The following STRN3 variants were observed in gnomAD, a reference collection of about 807,000 sequenced individuals.
STRN3 encodes striatin 3.
In STRN3, 29 loss-of-function variants were observed where a neutral mutation model predicts 95.6. The ratio of observed to expected loss-of-function variants is 0.30; its 90% CI spans 0.23 to 0.41. STRN3 has a LOEUF of 0.41. Among genes scored for constraint, STRN3 ranks in the 10% least tolerant of loss-of-function variants. The probability of loss-of-function intolerance (pLI) is 1.00; values close to 1 mark genes in which losing one functional copy is unlikely to be tolerated. For missense variants in STRN3, 890 were observed against 972.1 expected, an observed-to-expected ratio of 0.92 and a Z score of 1.12; for synonymous variants, 331 against 357.6, an observed-to-expected ratio of 0.93 and a Z score of 0.84.
In STRN3 at chr14:30,929,268, G is replaced by A. The variant is rs1468975521; in HGVS notation, c.1032C>T (p.Asp344=). ...LSPTAEVWDV[D]QGLISKLKEQ... Reference sequence around the variant, plus strand: ...CCTTCAGTTTACTTATTAGTCCCTGGTCTACATCCCAAACCTCAGCAGTTG... The same window carrying A: ...CCTTCAGTTTACTTATTAGTCCCTGATCTACATCCCAAACCTCAGCAGTTG... The change falls in exon 8 of 18, where the codon GAC becomes GAT. Residue 344 remains aspartate (D), a synonymous_variant. Coordinates refer to ENST00000357479, the MANE Select transcript of STRN3 (RefSeq NM_001083893.2). The A allele has an allele frequency of 6.2e-7, 1 of 1,612,942 alleles. No homozygotes were observed. Among genetic ancestry groups the A allele is most frequent in the Non-Finnish European group, 8.5e-7 (1 of 1,179,602 alleles).
chr14:31,018,580 G>A, intron 1 of STRN3: 2 of 489,980 alleles, frequency 4.1e-6, no homozygotes, highest in South Asian at 1.5e-5. Context: ...TGAACAAGCT[G>A]TGGGTGTTGG....
chr14:30,973,308 T>A (rs1880925365), intron 1 of STRN3, among the ~76,000 whole-genome samples: 1 of 123,608 alleles, frequency 8.1e-6, no homozygotes, highest in Non-Finnish European at 1.6e-5. Flanking sequence ...TTTGAAAAGA[T>A]CAAAAAAACT....
intron 1 of STRN3, among the ~76,000 whole-genome samples, chr14:30,986,935 AT>A (rs1396031413): frequency 6.6e-6 from 1 of 152,206 alleles, no homozygotes; most frequent in Admixed American, 6.5e-5. Context: ...CAAAAAGTTC[AT>A]TTTTTTATAT....
chr14:30,937,518 A>T (rs533513683), intron 5 of STRN3, among the ~76,000 whole-genome samples: 1 of 152,328 alleles, frequency 6.6e-6, no homozygotes, highest in East Asian at 1.9e-4. Context: ...CCACTTAACT[A>T]AATCTTTTAA....
At chr14:30,946,710 G>A (rs568094195) in intron 5 of STRN3, among the ~76,000 whole-genome samples, 1 of 152,310 alleles carries the variant, frequency 6.6e-6, no homozygotes, top group East Asian at 1.9e-4. Context: ...GGGCACGCTG[G>A]CTCACGCCTG....
chr14:30,951,981 G>A (rs914946684), intron 3 of STRN3, among the ~76,000 whole-genome samples: 1 of 152,080 alleles, frequency 6.6e-6, no homozygotes, highest in Non-Finnish European at 1.5e-5. Flanking sequence ...AGCCAGGTAT[G>A]GCGGCACATG....
At chr14:30,901,615 A>C (rs1896317197) in intron 16 of STRN3, among the ~76,000 whole-genome samples, 1 of 152,226 alleles carries the variant, frequency 6.6e-6, no homozygotes, top group South Asian at 2.1e-4. Context: ...TCCTCAAAGT[A>C]GCCTTCCTAG....
At chr14:30,932,240 C>G (rs1878577296) in intron 7 of STRN3, 1 of 151,826 alleles carries the variant, frequency 6.6e-6, no homozygotes, top group South Asian at 2.1e-4. Flanking sequence ...GCACTCCAGC[C>G]TGGGTAACAG....
At chr14:30,973,052 T>TACA (rs1361139470) in intron 1 of STRN3, among the ~76,000 whole-genome samples, 1 of 151,924 alleles carries the variant, frequency 6.6e-6, no homozygotes, top group African/African-American at 2.4e-5. Flanking sequence ...CTACAAAAAA[T>TACA]ACAAAAATCA....
intron 5 of STRN3, among the ~76,000 whole-genome samples, chr14:30,945,412 G>A (rs989360089): frequency 1.3e-5 from 2 of 152,112 alleles, no homozygotes; most frequent in Non-Finnish European, 2.9e-5. Context: ...GAGCCCAGGA[G>A]TTCAAGACCT....
At chr14:30,955,563 T>G in intron 3 of STRN3, 57 bp downstream of exon 3, 1 of 1,416,194 alleles carries the variant, frequency 7.1e-7, no homozygotes, top group Non-Finnish European at 9.6e-7. Flanking sequence ...AGAGAACATG[T>G]CTGTTACATA....
rs115660764 is a variant in STRN3 at position 30,952,042 on chromosome 14, C to T, written c.461-1098G>A. Among the ~76,000 whole-genome samples, 499 of 151,796 alleles carry T rather than the reference C, an allele frequency of 3.3e-3. 2 individuals are homozygous for T. The highest frequency in any genetic ancestry group is 0.012 in the African/African-American group (481 of 41,388). Reference sequence around the variant, plus strand: ...CTGAGGCAAAAGGATCGCTTGAACCCAGGAGGTGAAGGTTGCAGTGAGCCA... The same window carrying T: ...CTGAGGCAAAAGGATCGCTTGAACCTAGGAGGTGAAGGTTGCAGTGAGCCA... On this transcript the variant is annotated intron_variant, in intron 3 of 17. Coordinates refer to ENST00000357479, the MANE Select transcript of STRN3 (RefSeq NM_001083893.2).
chr14:30,922,496 CACAT>C (rs1267369123), intron 8 of STRN3, among the ~76,000 whole-genome samples: 2 of 152,296 alleles, frequency 1.3e-5, no homozygotes, highest in East Asian at 3.9e-4. Context: ...CGCTCAAACA[CACAT>C]ACTCATGCCA....
rs1896599239 is a variant in STRN3, at chr14:30,911,218, A to T, written c.1599-56T>A. 4 of 1,546,646 alleles carry T rather than the reference A, an allele frequency of 2.6e-6. No individual in the cohort carries two copies. In the Admixed American group the frequency reaches 5.9e-5, roughly 23 times the overall value. On this transcript the variant is annotated intron_variant, in intron 12 of 17. Transcript: ENST00000357479. ...CTGATAAATTCTAAGAAGAAACTCA[A>T]ATCTCCATTCCCCCAACCTCTGAAT...
At position 30,936,570 on chromosome 14, in the gene STRN3, A is replaced by G; in HGVS notation, c.771T>C (p.Ser257=). 1.9e-6 allele frequency: 3 copies of G among 1,613,698 alleles called. No individual in the cohort carries two copies. Among genetic ancestry groups the G allele is most frequent in the Non-Finnish European group, 2.5e-6 (3 of 1,179,850 alleles). The part of the protein sequence containing the change: ...TFNFLENADD[S]DEDEENDMIE... ...TCATGTCATTTTCCTCATCTTCATC[A>G]CTGTCATCGGCATTTTCTAAGAAAT... The change falls in exon 6 of 18, where the codon AGT becomes AGC. Residue 257 remains serine, a synonymous_variant. Coordinates refer to ENST00000357479, the MANE Select transcript of STRN3 (RefSeq NM_001083893.2).
intron 8 of STRN3, among the ~76,000 whole-genome samples, chr14:30,920,746 A>G (rs935721596): frequency 6.6e-6 from 1 of 152,096 alleles, no homozygotes; most frequent in Non-Finnish European, 1.5e-5. Context: ...TCACATTTAT[A>G]TACTACAACT....
intron 14 of STRN3, among the ~76,000 whole-genome samples, chr14:30,905,925 C>A (rs866936904): frequency 6.6e-6 from 1 of 152,174 alleles, no homozygotes; most frequent in Non-Finnish European, 1.5e-5. Flanking sequence ...GATAAATTAG[C>A]ATTCTCACAT....
At position 30,902,661 on chromosome 14, in the gene STRN3, A is replaced by G. The variant is rs372265429; in HGVS notation, c.2030-18T>C. On this transcript the variant is annotated intron_variant, in intron 15 of 17. Transcript: ENST00000357479. ...TTGTAAACCTGAAAAATAAAGGAAG[A>G]CAATAAGTTAAAATTCAAACCTTTA... The G allele has an allele frequency of 2.0e-6, 3 of 1,491,812 alleles. No homozygotes were observed. In the African/African-American group the frequency reaches 4.2e-5, roughly 21 times the overall value. The allele number at this position is 1,491,812 out of a possible 1,614,324, so 92.4% of individuals were successfully genotyped here. A position where few individuals can be genotyped will look rare whatever the true frequency, so the allele number is the denominator to read the frequency against.
At chr14:30,984,026 G>GT (rs1424290607) in intron 1 of STRN3, among the ~76,000 whole-genome samples, 1 of 151,724 alleles carries the variant, frequency 6.6e-6, no homozygotes, top group Admixed American at 6.6e-5. Flanking sequence ...AGTGGGGATG[G>GT]TGGCAGCAAC....
Sources: gnomAD v4.1 joint callset for allele counts (sites outside exome capture counted in the v4.1 genomes callset) on GRCh38, gnomAD v4.1.1 for gene constraint, MANE v1.5 for transcripts, NCBI Gene and HGNC (gene_info 2026-07-23, HGNC 2026-07-21) for gene names.